The following CCDC158 variants were observed in gnomAD, a reference collection of about 807,000 sequenced individuals.
CCDC158 encodes coiled-coil domain containing 158.
A neutral mutation model predicts 138.6 loss-of-function variants in CCDC158; 116 were observed. That is an observed-to-expected ratio of 0.84 (90% CI 0.72 to 0.98). The LOEUF is 0.98. CCDC158 is among the 50% of genes least tolerant of loss of function. The pLI, the probability that CCDC158 is intolerant of heterozygous loss-of-function variation, is 0.00. For synonymous variants in CCDC158, 436 were observed against 442.4 expected (o/e 0.99, Z 0.18); for missense variants, 1,265 against 1,306.1 (o/e 0.97, Z 0.48).
chr4:76,409,309 G>C (rs1303234080), intron 2 of CCDC158, among the ~76,000 whole-genome samples: 1 of 151,304 alleles, frequency 6.6e-6, no homozygotes, highest in Non-Finnish European at 1.5e-5. Flanking sequence ...TCTAGAAAAA[G>C]CAAGGTTTTT....
chr4:76,321,013 C>T (rs1253226718), intron 24 of CCDC158, among the ~76,000 whole-genome samples: 2 of 152,124 alleles, frequency 1.3e-5, no homozygotes. Flanking sequence ...AACTGTGCAT[C>T]TGACAAAGGA....
chr4:76,395,485 A>G (rs993172945), intron 4 of CCDC158, among the ~76,000 whole-genome samples: 2 of 152,196 alleles, frequency 1.3e-5, no homozygotes, highest in South Asian at 4.1e-4. Flanking sequence ...ACCTAATGTC[A>G]TCTAGAGGAA....
At chr4:76,347,003 G>A (rs1041019521) in intron 18 of CCDC158, among the ~76,000 whole-genome samples, 5 of 152,116 alleles carry the variant, frequency 3.3e-5, no homozygotes, top group African/African-American at 1.2e-4. Flanking sequence ...AGTTAGAATG[G>A]CGATCTTAAA....
chr4:76,371,641 A>C, intron 9 of CCDC158, 105 bp from the exon 10 acceptor site: 1 of 1,421,248 alleles, frequency 7.0e-7, no homozygotes, highest in Non-Finnish European at 9.6e-7. Flanking sequence ...GAACAAAAAT[A>C]AAAGTTCGTT....
chr4:76,321,608 A>T (rs1212178688), intron 24 of CCDC158, among the ~76,000 whole-genome samples: 1 of 147,032 alleles, frequency 6.8e-6, no homozygotes, highest in Non-Finnish European at 1.5e-5. Context: ...ATAATATATT[A>T]TATATATATG....
intron 18 of CCDC158, among the ~76,000 whole-genome samples, chr4:76,346,028 G>A (rs1448224747): frequency 1.3e-5 from 2 of 152,136 alleles, no homozygotes; most frequent in Admixed American, 1.3e-4. Context: ...CATGGTACTG[G>A]TACCAAAACA....
chr4:76,369,706 G>A (rs1358266025), intron 10 of CCDC158, 83 bp from the exon 11 acceptor site: 1 of 1,213,780 alleles, frequency 8.2e-7, no homozygotes, highest in African/African-American at 1.5e-5. Flanking sequence ...CATATTTGGA[G>A]TTTTTATGTG....
intron 14 of CCDC158, among the ~76,000 whole-genome samples, chr4:76,355,712 C>T (rs1394247816): frequency 2.0e-5 from 3 of 151,576 alleles, no homozygotes; most frequent in African/African-American, 7.3e-5. Flanking sequence ...GACCATGATA[C>T]GTTGCCAGCT....
At chr4:76,339,877 T>A (rs1258546498) in intron 18 of CCDC158, among the ~76,000 whole-genome samples, 1 of 152,318 alleles carries the variant, frequency 6.6e-6, no homozygotes. Context: ...AACTCATCTT[T>A]TCACACAGCT....
rs544707493 is a variant in CCDC158, at chr4:76,421,067, C to A, written c.-219G>T. Reference sequence around the variant, plus strand: ...CGACCTGGCGGCTGGGACGGGGCGGCTCCCCACTCTTCGCCCCTAGGCCCC... The same window carrying A: ...CGACCTGGCGGCTGGGACGGGGCGGATCCCCACTCTTCGCCCCTAGGCCCC... On this transcript the variant is annotated 5_prime_UTR_variant, in exon 1 of 25. Coordinates refer to ENST00000682701, the MANE Select transcript of CCDC158 (RefSeq NM_001394954.1). 2.1e-4 allele frequency among the ~76,000 whole-genome samples: 32 copies of A among 152,090 alleles called. No homozygotes were observed. Among genetic ancestry groups the A allele is most frequent in the African/African-American group, 7.2e-4 (30 of 41,522 alleles).
chr4:76,367,476 A>C lies in CCDC158; in HGVS notation c.1648T>G (p.Cys550Gly). The C allele has an allele frequency of 6.2e-7, 1 of 1,614,224 alleles. No homozygotes were observed. Among genetic ancestry groups the C allele is most frequent in the Non-Finnish European group, 8.5e-7 (1 of 1,180,054 alleles). The stretch of plus-strand genomic sequence containing the variant: ...GTCATCTGCAGTTTGAGGGCCTCAC[A>C]TTCTGTCTGCACATTTCTGAGATGA... ...GDHLRNVQTE[C>G]EALKLQMTEK... The change falls in exon 12 of 25, where the codon TGT becomes GGT. Residue 550 changes from cysteine (C) to glycine (G), a missense_variant. Cys to Gly is a radical substitution (Grantham distance 159, BLOSUM62 -3). Coordinates refer to ENST00000682701, the MANE Select transcript of CCDC158 (RefSeq NM_001394954.1).
chr4:76,395,563 G>T (rs973259615), intron 4 of CCDC158, among the ~76,000 whole-genome samples: 24 of 152,288 alleles, frequency 1.6e-4, no homozygotes, highest in African/African-American at 5.8e-4. Flanking sequence ...GGCAGACAAG[G>T]TAGAGAAGAG....
At chr4:76,315,728 C>T (rs1020940008) in intron 24 of CCDC158, among the ~76,000 whole-genome samples, 10 of 152,226 alleles carry the variant, frequency 6.6e-5, no homozygotes, top group South Asian at 4.1e-4. Flanking sequence ...TACTCCCCTA[C>T]GTCCTCTACC....
intron 4 of CCDC158, among the ~76,000 whole-genome samples, chr4:76,394,490 G>A (rs1368961764): frequency 6.6e-6 from 1 of 152,092 alleles, no homozygotes; most frequent in Non-Finnish European, 1.5e-5. Flanking sequence ...GGGAAGGGTA[G>A]TGGGGGAGTG....
Position 76,384,548 on chromosome 4 carries a change from A to C in CCDC158, c.398+8T>G, listed in dbSNP as rs1219327174. The stretch of plus-strand genomic sequence containing the variant: ...ATGTGACTTTAAAATAATTTCACAA[A>C]TCCCAACCTGATGTCAGCCATAGCA... On this transcript the variant is annotated splice_region_variant and intron_variant, in intron 5 of 24. Coordinates refer to ENST00000682701, the MANE Select transcript of CCDC158 (RefSeq NM_001394954.1). 6.2e-7 allele frequency: 1 copy of C among 1,601,642 alleles called. No homozygotes were observed. Among genetic ancestry groups the C allele is most frequent in the Non-Finnish European group, 8.5e-7 (1 of 1,174,596 alleles).
At chr4:76,348,603 A>C (rs1197301105) in intron 18 of CCDC158, among the ~76,000 whole-genome samples, 1 of 152,164 alleles carries the variant, frequency 6.6e-6, no homozygotes, top group East Asian at 1.9e-4. Flanking sequence ...AATACAAAAA[A>C]GTAAAAGATA....
intron 22 of CCDC158, among the ~76,000 whole-genome samples, chr4:76,328,437 G>A (rs186078213): frequency 4.6e-5 from 7 of 152,268 alleles, no homozygotes; most frequent in African/African-American, 1.2e-4. Context: ...TGGGAAAATC[G>A]TGATTTTTAT....
At chr4:76,407,886 C>G (rs563222962) in intron 2 of CCDC158, among the ~76,000 whole-genome samples, 1 of 152,038 alleles carries the variant, frequency 6.6e-6, no homozygotes, top group Admixed American at 6.5e-5. Context: ...TCTACTTCGA[C>G]GTAAGATGAT....
chr4:76,338,161 C>G (rs896018245), intron 18 of CCDC158, among the ~76,000 whole-genome samples: 21 of 152,176 alleles, frequency 1.4e-4, no homozygotes, highest in African/African-American at 4.8e-4. Context: ...GCCTGATGAT[C>G]TGAGGTGGAG....
Sources: allele counts gnomAD v4.1 joint callset (sites outside exome capture counted in the v4.1 genomes callset), GRCh38; gene constraint gnomAD v4.1.1; transcripts MANE v1.5; gene names NCBI Gene and HGNC (gene_info 2026-07-23, HGNC 2026-07-21).